Variants in DYRK4 observed in about 807,000 individuals in gnomAD.
DYRK4 encodes the protein dual specificity tyrosine-phosphorylation-regulated kinase 4.
In DYRK4, 64 loss-of-function variants were observed where a neutral mutation model predicts 68.3. The observed-to-expected ratio is 0.94, with a 90% CI of 0.77 to 1.15. DYRK4 has a LOEUF of 1.15. Ranked by LOEUF, DYRK4 falls within the 50% of genes most tolerant of loss-of-function variation. DYRK4 has a pLI of 0.00. For synonymous variants in DYRK4, 274 were observed against 289.9 expected (o/e 0.95, Z 0.56); for missense variants, 740 against 764.7 (o/e 0.97, Z 0.38).
chr12:4,567,901 A>G (rs929877754), intron 1 of DYRK4, 54 bp from the exon 2 acceptor site: 8 of 1,414,902 alleles, frequency 5.7e-6, no homozygotes, highest in African/African-American at 1.4e-5. Context: ...TGTGTGGGCC[A>G]TTACTTAGAT....
rs777746913 is a variant in DYRK4, at chr12:4,599,782, C to T, written c.1120C>T (p.Gln374Ter). 2 of 1,613,602 alleles carry T rather than the reference C, an allele frequency of 1.2e-6. No homozygotes were observed. The highest frequency in any genetic ancestry group is 1.1e-5 in the South Asian group (1 of 91,036). ...CTTTGGATCAAGCTGTTATGAACACCAGAAAGGTGAGCCCCATGTCAGTCC... is the reference window on the plus strand; with the variant it reads ...CTTTGGATCAAGCTGTTATGAACACTAGAAAGGTGAGCCCCATGTCAGTCC... ...IDFGSSCYEH[Q>*]KVYTYIQSRF... The change falls in exon 10 of 15, where the codon CAG (glutamine) becomes TAG (stop). Residue 374 changes from glutamine (Q) to a stop codon, truncating the protein, a stop_gained. Transcript: ENST00000543431. LOFTEE classifies it high-confidence loss of function.
intron 8 of DYRK4, among the ~76,000 whole-genome samples, chr12:4,598,727 G>C (rs901364079): frequency 6.6e-6 from 1 of 152,170 alleles, no homozygotes; most frequent in Non-Finnish European, 1.5e-5. Context: ...AGGGCCTGAG[G>C]AACTATGACT....
rs201905442 is a variant in DYRK4, at chr12:4,591,347, G to A, written c.463+49G>A. On this transcript the variant is annotated intron_variant, in intron 5 of 14. Transcript: ENST00000543431. This position sits in a 1 kb window ranked among gnomAD's most constrained non-coding sequence, Gnocchi z 4.1. ...GGTGGGGAGGTGCTTATGGAAGGTC[G>A]GGGTGTTAAGAGCTAAGCTGCGCTG... is the stretch of plus-strand genomic sequence containing the variant. 25 of 1,601,028 alleles carry A rather than the reference G, an allele frequency of 1.6e-5. No homozygotes were observed. Among genetic ancestry groups the A allele is most frequent in the East Asian group, 1.1e-4 (5 of 44,798 alleles).
At chr12:4,574,224 T>A (rs1591787047) in intron 2 of DYRK4, among the ~76,000 whole-genome samples, 3 of 121,278 alleles carry the variant, frequency 2.5e-5, no homozygotes, top group Admixed American at 8.6e-5. Flanking sequence ...GACTCCATCT[T>A]AAAAAAAAAA....
intron 1 of DYRK4, among the ~76,000 whole-genome samples, chr12:4,562,868 A>T (rs1019303818): frequency 8.5e-5 from 13 of 152,210 alleles, no homozygotes; most frequent in African/African-American, 3.1e-4. Context: ...AATTCCCAAT[A>T]TTAGCAAATC....
intron 1 of DYRK4, among the ~76,000 whole-genome samples, chr12:4,564,740 A>C (rs1249079679): frequency 6.6e-6 from 1 of 152,160 alleles, no homozygotes; most frequent in Non-Finnish European, 1.5e-5. Context: ...TGATGAATTA[A>C]TCTATTTTAG....
At chr12:4,610,539 T>C (rs960972679) in intron 13 of DYRK4, 7 of 292,144 alleles carry the variant, frequency 2.4e-5, no homozygotes, top group Non-Finnish European at 4.4e-5. Context: ...AGAGATTAAG[T>C]GACCTGCCCT....
intron 2 of DYRK4, among the ~76,000 whole-genome samples, chr12:4,578,665 A>T (rs1944811850): frequency 6.6e-6 from 1 of 152,124 alleles, no homozygotes; most frequent in Admixed American, 6.5e-5. Flanking sequence ...GCTAATTCTC[A>T]CCCACAGCAC....
At chr12:4,588,644 G>A (rs143718926) in intron 2 of DYRK4, among the ~76,000 whole-genome samples, 4 of 152,178 alleles carry the variant, frequency 2.6e-5, no homozygotes, top group African/African-American at 9.6e-5. Context: ...CCGTAAGCAG[G>A]GTCTCTAGTT....
intron 11 of DYRK4, among the ~76,000 whole-genome samples, chr12:4,605,611 A>T (rs113316250): frequency 1.3e-5 from 2 of 152,050 alleles, no homozygotes; most frequent in African/African-American, 2.4e-5. Flanking sequence ...ATGTGTAAAA[A>T]TTTCTTTCTG....
At chr12:4,594,704 AAAG>A (rs1055468647) in intron 6 of DYRK4, among the ~76,000 whole-genome samples, 3 of 122,700 alleles carry the variant, frequency 2.4e-5, no homozygotes, top group African/African-American at 1.0e-4. Flanking sequence ...AAATCTTAGA[AAAG>A]CCTTTTTTTT....
At chr12:4,567,560 T>C (rs530552153) in intron 1 of DYRK4, among the ~76,000 whole-genome samples, 2 of 152,290 alleles carry the variant, frequency 1.3e-5, no homozygotes, top group East Asian at 1.9e-4. Flanking sequence ...AGAGGAAGTG[T>C]TTCTACCAAT....
At chr12:4,596,014 G>A (rs538679825) in intron 6 of DYRK4, 135 bp from the exon 7 acceptor site, 7 of 931,784 alleles carry the variant, frequency 7.5e-6, no homozygotes, top group East Asian at 2.4e-5. Context: ...GGCGAGAGTC[G>A]CACAAGTGCC....
At chr12:4,583,784 AAAG>A (rs145515048) in intron 2 of DYRK4, among the ~76,000 whole-genome samples, 2,942 of 152,272 alleles carry the variant, frequency 0.019, 93 homozygotes, top group African/African-American at 0.066. Flanking sequence ...GACATCATAC[AAAG>A]AAGTAGTGTC....
chr12:4,611,677 TAGA>T (rs1472901515), intron 13 of DYRK4, among the ~76,000 whole-genome samples: 1 of 152,196 alleles, frequency 6.6e-6, no homozygotes, highest in African/African-American at 2.4e-5. Flanking sequence ...TTAATGAGTC[TAGA>T]ATGTTAATAC....
intron 1 of DYRK4, among the ~76,000 whole-genome samples, chr12:4,567,652 T>C (rs1944690905): frequency 2.0e-5 from 3 of 152,220 alleles, no homozygotes; most frequent in Admixed American, 2.0e-4. Context: ...GATATTATGT[T>C]TGTGGCAAAA....
rs1470795094 is a variant in DYRK4, at chr12:4,613,742, C to G, written c.1894C>G (p.Pro632Ala). ...FSLKNTNVLP[P>A]IV ...CCTCAAGAACACAAACGTTTTACCCCCTATTGTATGACCTTTGCTGAGGGT... is the reference window on the plus strand; with the variant it reads ...CCTCAAGAACACAAACGTTTTACCCGCTATTGTATGACCTTTGCTGAGGGT... Residue 632 changes from proline to alanine, a missense_variant, in exon 15 of 15, where the codon CCT becomes GCT. Around this residue, in one of 3 missense-constraint regions of DYRK4, gnomAD observed 614 missense variants for 603.7 expected, o/e 1.02. Transcript: ENST00000543431. This position sits in a 1 kb window ranked among gnomAD's most constrained non-coding sequence, Gnocchi z 4.0. 3.2e-6 allele frequency: 5 copies of G among 1,563,490 alleles called. No homozygotes were observed. The highest frequency in any genetic ancestry group is 1.2e-5 in the South Asian group (1 of 84,922).
At chr12:4,609,492 G>A (rs946337008) in intron 12 of DYRK4, among the ~76,000 whole-genome samples, 3 of 152,088 alleles carry the variant, frequency 2.0e-5, no homozygotes, top group Non-Finnish European at 2.9e-5. Context: ...CCTCTGCCCC[G>A]GGCGACTCCT....
intron 3 of DYRK4, among the ~76,000 whole-genome samples, 163 bp downstream of exon 3, chr12:4,589,180 C>T (rs1318103843): frequency 2.0e-5 from 3 of 152,112 alleles, no homozygotes; most frequent in Non-Finnish European, 4.4e-5. Flanking sequence ...CACATCACCA[C>T]GCCCCATCTC....
Sources: allele counts gnomAD v4.1 joint callset (sites outside exome capture counted in the v4.1 genomes callset), GRCh38; gene constraint gnomAD v4.1.1; regional missense constraint gnomAD v4.1.1; non-coding constraint Gnocchi (gnomAD v3.1); transcripts MANE v1.5; gene names NCBI Gene and HGNC (gene_info 2026-07-23, HGNC 2026-07-21).